Variants in OR2C1 observed in about 807,000 individuals in gnomAD.
OR2C1 encodes the protein olfactory receptor family 2 subfamily C member 1.
For synonymous variants in OR2C1, 209 were observed against 167.3 expected, an observed-to-expected ratio of 1.25 and a Z score of -1.92; for missense variants, 468 against 388.3, an observed-to-expected ratio of 1.21 and a Z score of -1.73.
upstream of OR2C1, among the ~76,000 whole-genome samples, chr16:3,353,218 G>A (rs149384391): frequency 1.5e-3 from 232 of 151,510 alleles, no homozygotes; most frequent in African/African-American, 4.8e-3. Context: ...TAGGCCGGTC[G>A]CGGTGGCTCA....
the OR2C1 span, among the ~76,000 whole-genome samples, chr16:3,325,276 C>A: frequency 6.6e-6 from 1 of 151,848 alleles, no homozygotes; most frequent in African/African-American, 2.4e-5. Context: ...GCCACTGTGC[C>A]CAGCCTATTT....
At chr16:3,342,205 C>G in the OR2C1 span, among the ~76,000 whole-genome samples, 1 of 152,090 alleles carries the variant, frequency 6.6e-6, no homozygotes, top group Non-Finnish European at 1.5e-5. Flanking sequence ...GAGCTAAGAT[C>G]ATGCCACTGC....
In OR2C1 at chr16:3,356,105, C is replaced by G. The variant is rs751396547; in HGVS notation, c.165C>G (p.Leu55=). Residue 55 remains leucine, a synonymous_variant, in exon 1 of 1, where the codon CTC becomes CTG. Coordinates refer to ENST00000304936, the MANE Select transcript of OR2C1 (RefSeq NM_012368.3). ...TGCTTTCCCGCCTGGAGGCCCGGCT[C>G]CATACACCCATGTACTTCTTCCTCA... The part of the protein sequence containing the change: ...IILLSRLEAR[L]HTPMYFFLSN... 1.9e-6 allele frequency: 3 copies of G among 1,614,176 alleles called. No individual in the cohort carries two copies. The highest frequency in any genetic ancestry group is 1.7e-6 in the Non-Finnish European group (2 of 1,180,038).
chr16:3,345,266 C>T, the OR2C1 span, among the ~76,000 whole-genome samples: 8 of 151,882 alleles, frequency 5.3e-5, no homozygotes, highest in African/African-American at 1.9e-4. Context: ...CGGCAGATCA[C>T]GAGGTCAACA....
the OR2C1 span, among the ~76,000 whole-genome samples, chr16:3,348,051 A>G: frequency 6.6e-6 from 1 of 152,224 alleles, no homozygotes; most frequent in African/African-American, 2.4e-5. Flanking sequence ...ACAAAGTGAA[A>G]AAGTTTTGAA....
At chr16:3,323,206 G>A in the OR2C1 span, 4 of 718,670 alleles carry the variant, frequency 5.6e-6, no homozygotes, top group East Asian at 1.0e-4. Context: ...TGGCAGATGA[G>A]CTGATTGATG....
At position 3,356,215 on chromosome 16, in the gene OR2C1, T is replaced by A. The variant is rs1261569033; in HGVS notation, c.275T>A (p.Ile92Asn). Residue 92 changes from isoleucine to asparagine, a missense_variant, in exon 1 of 1, where the codon ATC becomes AAC. Physicochemically the swap from Ile to Asn is moderately radical, Grantham distance 149. Coordinates refer to ENST00000304936, the MANE Select transcript of OR2C1 (RefSeq NM_012368.3). ...LINLWGPGKT[I>N]SYGGCITQLY... ...AATTTATGGGGACCAGGCAAGACCA[T>A]CAGCTATGGTGGCTGCATAACCCAG... 6.2e-7 allele frequency: 1 copy of A among 1,614,178 alleles called. No homozygotes were observed. Among genetic ancestry groups the A allele is most frequent in the East Asian group, 2.2e-5 (1 of 44,884 alleles).
At chr16:3,336,608 G>T in the OR2C1 span, among the ~76,000 whole-genome samples, 1 of 150,358 alleles carries the variant, frequency 6.7e-6, no homozygotes, top group Non-Finnish European at 1.5e-5. Flanking sequence ...TGATCTGACT[G>T]CCTCGGCCTC....
the OR2C1 span, among the ~76,000 whole-genome samples, chr16:3,325,469 A>C: frequency 0.01 from 223 of 21,398 alleles, 2 homozygotes; most frequent in African/African-American, 0.044. Flanking sequence ...AAATATATAT[A>C]TATATATATA....
At chr16:3,340,622 T>C in the OR2C1 span, among the ~76,000 whole-genome samples, 1 of 152,210 alleles carries the variant, frequency 6.6e-6, no homozygotes, top group South Asian at 2.1e-4. Context: ...ACTTTGTGTA[T>C]CTTGTGAGAT....
At chr16:3,342,028 A>T in the OR2C1 span, among the ~76,000 whole-genome samples, 1 of 152,182 alleles carries the variant, frequency 6.6e-6, no homozygotes, top group African/African-American at 2.4e-5. Context: ...CAATAGCCAA[A>T]AGTGGAAATA....
At chr16:3,333,546 A>G in the OR2C1 span, among the ~76,000 whole-genome samples, 1 of 152,070 alleles carries the variant, frequency 6.6e-6, no homozygotes, top group East Asian at 1.9e-4. Context: ...CGTGTTAGCC[A>G]GGATGGTCTC....
At chr16:3,349,610 C>G in the OR2C1 span, among the ~76,000 whole-genome samples, 2 of 152,016 alleles carry the variant, frequency 1.3e-5, no homozygotes, top group African/African-American at 2.4e-5. Context: ...TAAACAATCC[C>G]TAGACTGATT....
the OR2C1 span, among the ~76,000 whole-genome samples, chr16:3,325,820 C>A: frequency 6.6e-6 from 1 of 151,420 alleles, no homozygotes; most frequent in Non-Finnish European, 1.5e-5. Context: ...TAAAATATTT[C>A]TCAAATTGCC....
At chr16:3,330,316 T>A in the OR2C1 span, among the ~76,000 whole-genome samples, 2 of 150,626 alleles carry the variant, frequency 1.3e-5, no homozygotes, top group Non-Finnish European at 3.0e-5. Flanking sequence ...CAGGGTTTCA[T>A]CGTGTTATCC....
At chr16:3,323,178 A>C in the OR2C1 span, 1 of 635,658 alleles carries the variant, frequency 1.6e-6, no homozygotes, top group East Asian at 2.9e-5. Context: ...GCAGTTTGGC[A>C]CCTGGGTCTA....
the OR2C1 span, among the ~76,000 whole-genome samples, chr16:3,332,742 T>G: frequency 1.3e-5 from 2 of 151,974 alleles, no homozygotes; most frequent in African/African-American, 4.8e-5. Flanking sequence ...TGTATGCACA[T>G]ATACATACAC....
At chr16:3,338,538 CT>C in the OR2C1 span, among the ~76,000 whole-genome samples, 26 of 103,342 alleles carry the variant, frequency 2.5e-4, no homozygotes, top group African/African-American at 4.6e-4. Flanking sequence ...GTATAGGTAC[CT>C]TTTTTTTTTT....
chr16:3,348,188 A>T, the OR2C1 span, among the ~76,000 whole-genome samples: 1 of 152,212 alleles, frequency 6.6e-6, no homozygotes, highest in Non-Finnish European at 1.5e-5. Flanking sequence ...TTAGATGCCT[A>T]TGGGACAGTG....
Sources: gnomAD v4.1 joint callset for allele counts (sites outside exome capture counted in the v4.1 genomes callset) on GRCh38, gnomAD v4.1.1 for gene constraint, MANE v1.5 for transcripts, NCBI Gene and HGNC (gene_info 2026-07-23, HGNC 2026-07-21) for gene names.